Variants in ZBTB20 observed in about 807,000 individuals in gnomAD.
The protein encoded by ZBTB20 is zinc finger and BTB domain-containing protein 20.
Under a neutral mutation model 56.9 loss-of-function variants are expected in ZBTB20, and 9 were observed. The ratio of observed to expected loss-of-function variants is 0.16; its 90% CI spans 0.10 to 0.28. ZBTB20 has a LOEUF of 0.28. ZBTB20 is among the 10% of genes least tolerant of loss of function. The probability of loss-of-function intolerance (pLI) is 1.00; values close to 1 mark genes in which losing one functional copy is unlikely to be tolerated. For missense variants in ZBTB20, 655 were observed against 1,003.0 expected (o/e 0.65, Z 4.69); for synonymous variants, 417 against 420.7 (o/e 0.99, Z 0.11).
At chr3:114,988,658 T>A (rs2078660257) in intron 2 of ZBTB20, among the ~76,000 whole-genome samples, 1 of 152,188 alleles carries the variant, frequency 6.6e-6, no homozygotes, top group Non-Finnish European at 1.5e-5. Context: ...TAGTTCTAGA[T>A]CCTTGAGGAA....
intron 7 of ZBTB20, among the ~76,000 whole-genome samples, chr3:114,493,930 G>A (rs2043009666): frequency 6.6e-6 from 1 of 152,104 alleles, no homozygotes; most frequent in South Asian, 2.1e-4. Flanking sequence ...ACTCAACTTT[G>A]TGTCCAGTAA....
intron 6 of ZBTB20, among the ~76,000 whole-genome samples, chr3:114,679,957 A>T (rs1422819730): frequency 1.3e-5 from 2 of 152,222 alleles, no homozygotes; most frequent in Non-Finnish European, 2.9e-5. Flanking sequence ...ATGCAGCCAT[A>T]AAAAAGGATG....
At chr3:115,075,489 C>T (rs572142576) in intron 1 of ZBTB20, among the ~76,000 whole-genome samples, 45 of 152,104 alleles carry the variant, frequency 3.0e-4, no homozygotes, top group Non-Finnish European at 4.9e-4. Context: ...TAATATTCCA[C>T]TGTGTATATA....
chr3:114,763,191 T>C (rs1354651704), intron 5 of ZBTB20, among the ~76,000 whole-genome samples: 1 of 152,146 alleles, frequency 6.6e-6, no homozygotes, highest in Non-Finnish European at 1.5e-5. Context: ...GGGCTGTATA[T>C]TTGGTTGAGA....
chr3:114,620,620 A>G (rs1196647084), intron 6 of ZBTB20, among the ~76,000 whole-genome samples: 1 of 152,188 alleles, frequency 6.6e-6, no homozygotes, highest in Non-Finnish European at 1.5e-5. Context: ...AGCAAGATGT[A>G]TTCACTGTCA....
intron 7 of ZBTB20, among the ~76,000 whole-genome samples, chr3:114,454,387 TC>T (rs932310417): frequency 4.6e-5 from 7 of 151,554 alleles, no homozygotes; most frequent in African/African-American, 1.7e-4. Context: ...CCATACTCTT[TC>T]CCACCCCCCG....
intron 5 of ZBTB20, among the ~76,000 whole-genome samples, chr3:114,719,704 A>G (rs2064769522): frequency 1.3e-5 from 2 of 152,124 alleles, no homozygotes; most frequent in Non-Finnish European, 2.9e-5. Flanking sequence ...CTGAACTACA[A>G]ATATTGTTCT....
At chr3:114,533,920 T>G (rs1414196580) in intron 6 of ZBTB20, among the ~76,000 whole-genome samples, 1 of 152,204 alleles carries the variant, frequency 6.6e-6, no homozygotes, top group Non-Finnish European at 1.5e-5. Flanking sequence ...TTAAAATCCT[T>G]GATGGACAAG....
chr3:115,049,996 T>A (rs2081482796), intron 2 of ZBTB20, among the ~76,000 whole-genome samples: 1 of 152,052 alleles, frequency 6.6e-6, no homozygotes, highest in Non-Finnish European at 1.5e-5. Context: ...AGCCAAAAGA[T>A]TATATCATTA....
At chr3:114,992,057 C>T (rs2108158616) in intron 2 of ZBTB20, among the ~76,000 whole-genome samples, 1 of 151,910 alleles carries the variant, frequency 6.6e-6, no homozygotes, top group East Asian at 1.9e-4. Context: ...TCTCTCTCTC[C>T]ACCTAAACTT....
At chr3:114,391,028 T>C (rs1372613853) in intron 7 of ZBTB20, among the ~76,000 whole-genome samples, 2 of 151,946 alleles carry the variant, frequency 1.3e-5, no homozygotes, top group Non-Finnish European at 2.9e-5. Context: ...AGCTACCCAA[T>C]CCTGTAGATT....
chr3:114,702,439 T>A (rs1239248613), intron 5 of ZBTB20, among the ~76,000 whole-genome samples: 1 of 151,768 alleles, frequency 6.6e-6, no homozygotes, highest in African/African-American at 2.4e-5. Flanking sequence ...TATGTGCATA[T>A]AAACCTATAA....
In ZBTB20 at chr3:114,949,409, T is replaced by C. The variant is rs2076987488; in HGVS notation, c.-456+24957A>G. 1.4e-5 allele frequency among the ~76,000 whole-genome samples: 2 copies of C among 146,118 alleles called. 1 individual carries two copies. Among genetic ancestry groups the C allele is most frequent in the African/African-American group, 5.6e-5 (2 of 35,902 alleles). ...TTTTTGTTTTAAACAGGATAGAAAATACTAACACTAAAAGAAGAAATTGAT... is the reference window on the plus strand; with the variant it reads ...TTTTTGTTTTAAACAGGATAGAAAACACTAACACTAAAAGAAGAAATTGAT... On this transcript the variant is annotated intron_variant, in intron 3 of 11. Coordinates refer to ENST00000675478, the MANE Select transcript of ZBTB20 (RefSeq NM_001348800.3).
rs1320053032 is a variant in ZBTB20, at chr3:114,416,909, AC to A, written c.-254-27805del. 8.5e-5 allele frequency among the ~76,000 whole-genome samples: 13 copies of A among 152,236 alleles called. No homozygotes were observed. The East Asian group carries it at 2.5e-3, about 29-fold the overall frequency. On this transcript the variant is annotated intron_variant, in intron 7 of 11. Coordinates refer to ENST00000675478, the MANE Select transcript of ZBTB20 (RefSeq NM_001348800.3). ...TCTTTTAAATGCCATAGGAAAATGT[AC>A]TAAAAAGGACACACCATTTTAATAC...
chr3:114,436,182 G>A (rs748289503), intron 7 of ZBTB20, among the ~76,000 whole-genome samples: 1 of 152,170 alleles, frequency 6.6e-6, no homozygotes, highest in Non-Finnish European at 1.5e-5. Context: ...TTTCTCTAAT[G>A]CTCCATAGCC....
chr3:114,426,876 G>A (rs138417912), intron 7 of ZBTB20, among the ~76,000 whole-genome samples: 1 of 152,214 alleles, frequency 6.6e-6, no homozygotes, highest in East Asian at 1.9e-4. Flanking sequence ...AGCAAAATAT[G>A]GTATTTAATA....
At chr3:114,355,001 T>C (rs1040452909) in intron 10 of ZBTB20, among the ~76,000 whole-genome samples, 5 of 152,222 alleles carry the variant, frequency 3.3e-5, no homozygotes, top group Non-Finnish European at 7.4e-5. Context: ...TTAGAAACTA[T>C]GCCTCTTAAA....
chr3:114,459,134 G>A (rs1473029217), intron 7 of ZBTB20, among the ~76,000 whole-genome samples: 1 of 152,050 alleles, frequency 6.6e-6, no homozygotes, highest in Non-Finnish European at 1.5e-5. Context: ...TGCATATTCT[G>A]CACATAATAA....
intron 4 of ZBTB20, among the ~76,000 whole-genome samples, chr3:114,819,589 G>A (rs925185459): frequency 6.6e-6 from 1 of 151,818 alleles, no homozygotes; most frequent in African/African-American, 2.4e-5. Flanking sequence ...TGGAACAATT[G>A]ATTAACCATT....
Sources: allele counts gnomAD v4.1 joint callset (sites outside exome capture counted in the v4.1 genomes callset), GRCh38; gene constraint gnomAD v4.1.1; transcripts MANE v1.5; gene names NCBI Gene and HGNC (gene_info 2026-07-23, HGNC 2026-07-21).